Variants in RAB27B observed in about 807,000 individuals in gnomAD.
RAB27B encodes RAB27B, member RAS oncogene family, also known as ras-related protein Rab-27B.
A neutral mutation model predicts 24.6 loss-of-function variants in RAB27B; 15 were observed. The ratio of observed to expected loss-of-function variants is 0.61; its 90% CI spans 0.41 to 0.94. RAB27B has a LOEUF of 0.94. RAB27B is among the 40% of genes least tolerant of loss of function. The pLI is 0.00. For missense variants in RAB27B, 261 were observed against 266.8 expected, an observed-to-expected ratio of 0.98 and a Z score of 0.15; for synonymous variants, 105 against 92.5, an observed-to-expected ratio of 1.14 and a Z score of -0.78.
chr18:54,841,571 C>G (rs1911123254), intron 1 of RAB27B, among the ~76,000 whole-genome samples: 1 of 152,096 alleles, frequency 6.6e-6, no homozygotes, highest in Non-Finnish European at 1.5e-5. Flanking sequence ...ATTCTGCAGA[C>G]TAAAGTATTA....
chr18:54,887,704 T>G (rs547734584), intron 4 of RAB27B, among the ~76,000 whole-genome samples: 54 of 152,304 alleles, frequency 3.5e-4, no homozygotes, highest in African/African-American at 1.3e-3. Flanking sequence ...ATATGATGTA[T>G]TAATGAATTA....
At chr18:54,754,008 T>C (rs1187464045) in intron 2 of RAB27B, among the ~76,000 whole-genome samples, 1 of 152,164 alleles carries the variant, frequency 6.6e-6, no homozygotes, top group East Asian at 1.9e-4. Context: ...ACTGTTCTTT[T>C]TGAATGTGTA....
intron 2 of RAB27B, among the ~76,000 whole-genome samples, chr18:54,767,590 T>C (rs545417568): frequency 2.6e-5 from 4 of 152,338 alleles, no homozygotes; most frequent in African/African-American, 9.6e-5. Flanking sequence ...TTTTGTGTTT[T>C]AGATGATGAT....
intron 2 of RAB27B, among the ~76,000 whole-genome samples, chr18:54,726,651 T>C (rs1232092754): frequency 6.6e-6 from 1 of 151,722 alleles, no homozygotes; most frequent in Non-Finnish European, 1.5e-5. Context: ...GGTTTAATTC[T>C]ACAGTAATAA....
intron 2 of RAB27B, among the ~76,000 whole-genome samples, chr18:54,757,837 A>G (rs935679185): frequency 1.3e-5 from 2 of 152,090 alleles, no homozygotes; most frequent in African/African-American, 4.8e-5. Context: ...TAAATACAAA[A>G]TTAGGTATGA....
At position 54,823,273 on chromosome 18, in the gene RAB27B, G is replaced by A. The variant is rs1403004067; in HGVS notation, c.-19-54294G>A. On this transcript the variant is annotated intron_variant, in intron 2 of 4. Coordinates refer to the RAB27B transcript ENST00000586570. ...GGTTTTCTCAAACTGGAGAAGGGTG[G>A]ATTTTTATTTGTGATTAAACAGACT... 3.3e-5 allele frequency among the ~76,000 whole-genome samples: 5 copies of A among 152,204 alleles called. No individual in the cohort carries two copies. The East Asian group carries it at 5.8e-4, about 18-fold the overall frequency.
intron 4 of RAB27B, chr18:54,885,770 A>T (rs186315159): frequency 6.5e-6 from 1 of 154,088 alleles, no homozygotes; most frequent in African/African-American, 2.4e-5. Flanking sequence ...TAAAGAAAAG[A>T]GGTTTAATTG....
chr18:54,884,298 A>G (rs1367497013), intron 3 of RAB27B, 35 bp from the exon 4 acceptor site: 2 of 1,306,658 alleles, frequency 1.5e-6, no homozygotes, highest in South Asian at 2.4e-5. Flanking sequence ...TATGTGGACT[A>G]ACTTTCAGAA....
intron 2 of RAB27B, among the ~76,000 whole-genome samples, chr18:54,820,372 G>A (rs1910267281): frequency 6.6e-6 from 1 of 152,224 alleles, no homozygotes; most frequent in South Asian, 2.1e-4. Context: ...GATGGCCAGT[G>A]ATGATGAGCA....
intron 2 of RAB27B, among the ~76,000 whole-genome samples, chr18:54,819,769 C>A (rs1910242734): frequency 7.8e-6 from 1 of 128,558 alleles, no homozygotes; most frequent in Non-Finnish European, 1.6e-5. Flanking sequence ...TATCCCTCCC[C>A]CCTCCCCCAC....
At chr18:54,759,918 T>C (rs753375298) in intron 2 of RAB27B, among the ~76,000 whole-genome samples, 2 of 152,182 alleles carry the variant, frequency 1.3e-5, no homozygotes, top group African/African-American at 4.8e-5. Flanking sequence ...GCCACTTTCA[T>C]TGGCAATAAA....
intron 1 of RAB27B, among the ~76,000 whole-genome samples, chr18:54,856,742 TTCATGTAA>T (rs1456108572): frequency 6.6e-6 from 1 of 152,224 alleles, no homozygotes; most frequent in Admixed American, 6.5e-5. Context: ...TTTAGGATGT[TTCATGTAA>T]TCTTCACAAT....
chr18:54,833,402 T>C (rs977686234), intron 1 of RAB27B, among the ~76,000 whole-genome samples: 4 of 151,954 alleles, frequency 2.6e-5, no homozygotes, highest in African/African-American at 7.3e-5. Context: ...AATTTTTGTA[T>C]TTTTAGTAGA....
intron 2 of RAB27B, among the ~76,000 whole-genome samples, chr18:54,739,763 A>T (rs569683200): frequency 6.6e-6 from 1 of 152,278 alleles, no homozygotes; most frequent in Admixed American, 6.5e-5. Flanking sequence ...GTTTCTCCAC[A>T]TTCCCATCAG....
intron 2 of RAB27B, among the ~76,000 whole-genome samples, chr18:54,816,396 G>GT (rs1213697325): frequency 6.6e-6 from 1 of 152,178 alleles, no homozygotes; most frequent in Non-Finnish European, 1.5e-5. Context: ...TCAAAAACTT[G>GT]TATTTGTAGT....
At chr18:54,775,055 A>G (rs894321152) in intron 2 of RAB27B, among the ~76,000 whole-genome samples, 5 of 152,112 alleles carry the variant, frequency 3.3e-5, no homozygotes, top group Admixed American at 6.5e-5. Context: ...TCCTGGGAGG[A>G]ACTTGGCCTC....
At chr18:54,764,935 C>G (rs933936387) in intron 2 of RAB27B, among the ~76,000 whole-genome samples, 1 of 152,134 alleles carries the variant, frequency 6.6e-6, no homozygotes, top group Non-Finnish European at 1.5e-5. Context: ...CATTTTACTT[C>G]CCAAGCAGAA....
chr18:54,808,262 C>G lies in RAB27B; in HGVS notation c.-19-69305C>G, dbSNP rs1909856667. On this transcript the variant is annotated intron_variant, in intron 2 of 4. Transcript: ENST00000586570. ...GCTTGGTACAGATGACCCTCCAGGG[C>G]AGCAGTCCCCACAGGTTGGGCCAGG... Among the ~76,000 whole-genome samples the G allele has an allele frequency of 2.0e-5, 3 of 152,250 alleles. No homozygotes were observed. The South Asian group carries it at 6.2e-4, about 32-fold the overall frequency.
chr18:54,798,262 T>C (rs1393840826), intron 2 of RAB27B, among the ~76,000 whole-genome samples: 1 of 152,204 alleles, frequency 6.6e-6, no homozygotes, highest in Non-Finnish European at 1.5e-5. Flanking sequence ...CCTCCAAGGC[T>C]GAGAAGCCAA....
Sources: allele counts gnomAD v4.1 joint callset (sites outside exome capture counted in the v4.1 genomes callset), GRCh38; gene constraint gnomAD v4.1.1; transcripts MANE v1.5; gene names NCBI Gene and HGNC (gene_info 2026-07-23, HGNC 2026-07-21).